IRAK3: variants seen among roughly 807,000 people sequenced by gnomAD.
The protein encoded by IRAK3 is interleukin-1 receptor-associated kinase 3.
A neutral mutation model predicts 56.6 loss-of-function variants in IRAK3; 57 were observed. The ratio of observed to expected loss-of-function variants is 1.01; its 90% CI spans 0.81 to 1.26. The LOEUF (loss-of-function observed/expected upper bound fraction) is 1.26, where lower values mean the gene tolerates loss of function less well. Ranked by LOEUF, IRAK3 falls within the 50% of genes most tolerant of loss-of-function variation. IRAK3 has a pLI of 0.00. For synonymous variants in IRAK3, 258 were observed against 255.7 expected, an observed-to-expected ratio of 1.01 and a Z score of -0.09; for missense variants, 703 against 719.0, an observed-to-expected ratio of 0.98 and a Z score of 0.25.
At chr12:66,208,049 G>A (rs2052573801) in intron 2 of IRAK3, among the ~76,000 whole-genome samples, 1 of 152,190 alleles carries the variant, frequency 6.6e-6, no homozygotes, top group Non-Finnish European at 1.5e-5. Context: ...CTGGTTTATA[G>A]TGTTATCAAG....
chr12:66,203,729 G>A lies in IRAK3; in HGVS notation c.152G>A (p.Ser51Asn), dbSNP rs761027805. 2 of 1,614,070 alleles carry A rather than the reference G, an allele frequency of 1.2e-6. No individual in the cohort carries two copies. The highest frequency in any genetic ancestry group is 1.7e-5 in the Admixed American group (1 of 59,990). The change falls in exon 2 of 12, where the codon AGC (serine) becomes AAC (asparagine). Residue 51 changes from serine (S) to asparagine (N), a missense_variant. Transcript: ENST00000261233. ...WRGLAERLSS[S>N]WLDVRHIEKY... ...TCCACAGCAGAGAGACTTTCAAGCA[G>A]CTGGCTGGATGTTCGTCATATTGAA...
Position 66,211,567 on chromosome 12 carries a change from C to A in IRAK3, c.558C>A (p.Asn186Lys), listed in dbSNP as rs745623261. 3.7e-6 allele frequency: 6 copies of A among 1,611,978 alleles called. No individual in the cohort carries two copies. Among genetic ancestry groups the A allele is most frequent in the Non-Finnish European group, 5.1e-6 (6 of 1,178,200 alleles). The change falls in exon 5 of 12, where the codon AAC becomes AAA. Residue 186 changes from asparagine (N) to lysine (K), a missense_variant. Transcript: ENST00000261233. ...AGGTATACAGAGTGGAGATTCAAAA[C>A]CTAACATATGCTGTCAAATTATTTA... Reference protein sequence around the residue: ...IFEVYRVEIQNLTYAVKLFKQ... With the variant: ...IFEVYRVEIQKLTYAVKLFKQ...
intron 8 of IRAK3, among the ~76,000 whole-genome samples, chr12:66,240,514 C>T (rs1459428746): frequency 6.6e-6 from 1 of 152,064 alleles, no homozygotes; most frequent in East Asian, 1.9e-4. Context: ...GTGGGGTGCA[C>T]AACTGTTTTA....
At chr12:66,219,701 T>G (rs756443980) in intron 6 of IRAK3, among the ~76,000 whole-genome samples, 1 of 152,218 alleles carries the variant, frequency 6.6e-6, no homozygotes, top group Non-Finnish European at 1.5e-5. Flanking sequence ...CTCCATACCC[T>G]CAGCAACTCT....
In IRAK3 at chr12:66,245,246, G is replaced by C. The variant is rs1452848808; in HGVS notation, c.1298G>C (p.Arg433Thr). ...TGTGCTGCAACGCGGGCAAAGTTAAGACCATCAATGGATGAAGTGAGTATA... is the reference window on the plus strand; with the variant it reads ...TGTGCTGCAACGCGGGCAAAGTTAACACCATCAATGGATGAAGTGAGTATA... ...GRCAATRAKL[R>T]PSMDEVLNTL... Residue 433 changes from arginine (R) to threonine (T), a missense_variant, in exon 11 of 12, where the codon AGA (arginine) becomes ACA (threonine). By Grantham distance (71) the Arg-to-Thr change is moderately conservative. Transcript: ENST00000261233. 6.2e-7 allele frequency: 1 copy of C among 1,614,110 alleles called. No individual in the cohort carries two copies. Among genetic ancestry groups the C allele is most frequent in the Admixed American group, 1.7e-5 (1 of 60,010 alleles).
chr12:66,209,235 A>T (rs1274585928), intron 2 of IRAK3, among the ~76,000 whole-genome samples: 1 of 152,194 alleles, frequency 6.6e-6, no homozygotes, highest in African/African-American at 2.4e-5. Flanking sequence ...GTTTTAAGTG[A>T]ACAAAAGTAT....
intron 2 of IRAK3, among the ~76,000 whole-genome samples, chr12:66,208,572 C>T (rs1263153591): frequency 6.6e-6 from 1 of 151,554 alleles, no homozygotes; most frequent in African/African-American, 2.4e-5. Context: ...ACCAACCTGG[C>T]CAACATGGTG....
At chr12:66,244,769 T>G in intron 9 of IRAK3, 85 bp downstream of exon 9, 1 of 1,264,902 alleles carries the variant, frequency 7.9e-7, no homozygotes, top group Non-Finnish European at 1.1e-6. Flanking sequence ...AGTTTTAACT[T>G]TTGACTCATT....
intron 8 of IRAK3, chr12:66,234,149 T>A: frequency 1.2e-6 from 2 of 1,614,198 alleles, no homozygotes; most frequent in South Asian, 2.2e-5. Context: ...ACCACTTGCC[T>A]CCTCAACAGG....
intron 6 of IRAK3, among the ~76,000 whole-genome samples, chr12:66,220,681 C>T (rs995724863): frequency 2.2e-4 from 34 of 151,268 alleles, no homozygotes; most frequent in African/African-American, 6.3e-4. Context: ...CCACTACGCC[C>T]GGCTAATTTT....
Position 66,247,851 on chromosome 12 carries a change from C to T in IRAK3, c.1471C>T (p.Pro491Ser), listed in dbSNP as rs1222053383. ...DDESQNNNLL[P>S]SDEGLRIDRM... Reference sequence around the variant, plus strand: ...TGAAAGCCAGAATAACAATTTACTACCTTCTGATGAAGGCCTGAGGATAGA... The same window carrying T: ...TGAAAGCCAGAATAACAATTTACTATCTTCTGATGAAGGCCTGAGGATAGA... Residue 491 changes from proline (P) to serine (S), a missense_variant, in exon 12 of 12, where the codon CCT (proline) becomes TCT (serine). Transcript: ENST00000261233. 5 of 1,614,156 alleles carry T rather than the reference C, an allele frequency of 3.1e-6. No individual in the cohort carries two copies. The highest frequency in any genetic ancestry group is 4.2e-6 in the Non-Finnish European group (5 of 1,180,000).
intron 8 of IRAK3, chr12:66,234,106 G>A: frequency 6.2e-7 from 1 of 1,614,094 alleles, no homozygotes; most frequent in Non-Finnish European, 8.5e-7. Flanking sequence ...ATGGAGAATG[G>A]TCATTAGACG....
At chr12:66,237,996 C>A (rs972442300) in intron 8 of IRAK3, among the ~76,000 whole-genome samples, 35 of 152,074 alleles carry the variant, frequency 2.3e-4, no homozygotes, top group African/African-American at 8.0e-4. Flanking sequence ...CAGGTGGGCT[C>A]CCTGTGGGTG....
At chr12:66,224,266 C>A (rs2052764506) in intron 6 of IRAK3, among the ~76,000 whole-genome samples, 1 of 152,130 alleles carries the variant, frequency 6.6e-6, no homozygotes, top group African/African-American at 2.4e-5. Flanking sequence ...TCTATAAGAT[C>A]CAAGTTATTT....
chr12:66,233,969 A>G, intron 8 of IRAK3: 1 of 1,334,654 alleles, frequency 7.5e-7, no homozygotes. Flanking sequence ...AACTTGTGCA[A>G]AATTGTCAAT....
chr12:66,229,534 T>C (rs923593844), intron 8 of IRAK3, among the ~76,000 whole-genome samples: 1 of 152,152 alleles, frequency 6.6e-6, no homozygotes, highest in Admixed American at 6.5e-5. Flanking sequence ...ATGAACTCCA[T>C]AGGAAAAGAC....
intron 8 of IRAK3, chr12:66,234,991 T>C: frequency 6.2e-7 from 1 of 1,613,886 alleles, no homozygotes; most frequent in Non-Finnish European, 8.5e-7. Context: ...AACCTTTGCA[T>C]TTGTTCGTTG....
chr12:66,213,474 G>T (rs571833862), intron 5 of IRAK3, among the ~76,000 whole-genome samples: 3 of 152,136 alleles, frequency 2.0e-5, no homozygotes, highest in African/African-American at 4.8e-5. Flanking sequence ...GTTTGGTAAG[G>T]GTTAGATGAA....
intron 7 of IRAK3, 125 bp from the exon 8 acceptor site, chr12:66,228,127 C>A: frequency 1.3e-6 from 1 of 798,092 alleles, no homozygotes; most frequent in Non-Finnish European, 2.3e-6. Context: ...AAAACCAAAA[C>A]GTTGATTCAC....
Sources: gnomAD v4.1 joint callset for allele counts (sites outside exome capture counted in the v4.1 genomes callset) on GRCh38, gnomAD v4.1.1 for gene constraint, MANE v1.5 for transcripts, NCBI Gene and HGNC (gene_info 2026-07-23, HGNC 2026-07-21) for gene names.